The following GLYATL3 variants were observed in gnomAD, a reference collection of about 807,000 sequenced individuals.
The protein encoded by GLYATL3 is glycine N-acyltransferase-like protein 3.
GLYATL3 carries 31 observed loss-of-function variants against 28.5 expected under a neutral mutation model. That is an observed-to-expected ratio of 1.09 (90% CI 0.82 to 1.47). GLYATL3 has a LOEUF of 1.47. Among genes scored for constraint, GLYATL3 ranks in the 40% most tolerant of loss-of-function variants. GLYATL3 has a pLI of 0.00. For missense variants in GLYATL3, 369 were observed against 351.5 expected, an observed-to-expected ratio of 1.05 and a Z score of -0.40; for synonymous variants, 141 against 140.2, an observed-to-expected ratio of 1.01 and a Z score of -0.04.
At position 49,527,217 on chromosome 6, in the gene GLYATL3, C is replaced by T. The variant is rs1306854424; in HGVS notation, c.*303C>T. Among the ~76,000 whole-genome samples the T allele has an allele frequency of 6.6e-6, 1 of 152,154 alleles. No homozygotes were observed. The highest frequency in any genetic ancestry group is 1.5e-5 in the Non-Finnish European group (1 of 68,036). ...AGTTTTAGTGTACTAGGAGAAATTA[C>T]TGCATGAGAACAAATGATTTAACAG... On this transcript the variant is annotated 3_prime_UTR_variant, in exon 6 of 6. Coordinates refer to ENST00000371197, the MANE Select transcript of GLYATL3 (RefSeq NM_001010904.2).
intron 5 of GLYATL3, among the ~76,000 whole-genome samples, chr6:49,523,788 T>C (rs1360390021): frequency 1.3e-5 from 2 of 152,236 alleles, no homozygotes; most frequent in Non-Finnish European, 2.9e-5. Flanking sequence ...TTAATACATC[T>C]GAAGTTTCCT....
chr6:49,526,958 A>G lies in GLYATL3; in HGVS notation c.*44A>G. 9 of 1,373,336 alleles carry G rather than the reference A, an allele frequency of 6.6e-6. No homozygotes were observed. Among genetic ancestry groups the G allele is most frequent in the Non-Finnish European group, 8.7e-6 (9 of 1,031,378 alleles). The allele number at this position is 1,373,336 out of a possible 1,614,324, so 85.1% of individuals were successfully genotyped here. On this transcript the variant is annotated 3_prime_UTR_variant, in exon 6 of 6. Transcript: ENST00000371197. Reference sequence around the variant, plus strand: ...TGGTTTTATTACTTTCCCTGAGCATACACACACTCTTGGCTGCCAACGAGG... The same window carrying G: ...TGGTTTTATTACTTTCCCTGAGCATGCACACACTCTTGGCTGCCAACGAGG...
intron 2 of GLYATL3, among the ~76,000 whole-genome samples, chr6:49,512,547 G>A (rs1464762735): frequency 6.6e-6 from 1 of 152,002 alleles, no homozygotes; most frequent in Non-Finnish European, 1.5e-5. Context: ...ATAAATTTGA[G>A]TTCTAAAGTA....
rs939088642 is a variant in GLYATL3, at chr6:49,526,611, C to T, written c.564C>T (p.Phe188=). The T allele has an allele frequency of 1.3e-6, 2 of 1,552,044 alleles. No homozygotes were observed. Among genetic ancestry groups the T allele is most frequent in the South Asian group, 2.4e-5 (2 of 84,058 alleles). The change falls in exon 6 of 6, where the codon TTC becomes TTT. Residue 188 remains phenylalanine (F), a synonymous_variant. Coordinates refer to ENST00000371197, the MANE Select transcript of GLYATL3 (RefSeq NM_001010904.2). ...ACATCGCCAACCTCATCTCCTGCTT[C>T]CCTAGTGTGTGTGTCCGGGATGAGA... is the stretch of plus-strand genomic sequence containing the variant. The part of the protein sequence containing the change: ...LRYIANLISC[F]PSVCVRDEKG...
chr6:49,500,071 T>G (rs1162266425), intron 1 of GLYATL3, 29 bp downstream of exon 1: 2 of 152,172 alleles, frequency 1.3e-5, no homozygotes, highest in African/African-American at 4.8e-5. Context: ...ATATAATACA[T>G]TTCAAGTCAT....
At chr6:49,506,667 T>A (rs1175565328) in intron 1 of GLYATL3, among the ~76,000 whole-genome samples, 3 of 152,168 alleles carry the variant, frequency 2.0e-5, no homozygotes, top group Non-Finnish European at 4.4e-5. Flanking sequence ...TTCCTGACTT[T>A]TTTTTGTACA....
Position 49,526,718 on chromosome 6 carries a change from A to G in GLYATL3, c.671A>G (p.Lys224Arg). Residue 224 changes from lysine (K) to arginine (R), a missense_variant, in exon 6 of 6, where the codon AAA (lysine) becomes AGA (arginine). Physicochemically the swap from Lys to Arg is conservative, Grantham distance 26. Transcript: ENST00000371197. ...TACACCCTGCCAGAACATCGCAGGAAAGGTTACAGCCGGCTGGTGGCCCTC... is the reference window on the plus strand; with the variant it reads ...TACACCCTGCCAGAACATCGCAGGAGAGGTTACAGCCGGCTGGTGGCCCTC... Reference protein sequence around the residue: ...HGYTLPEHRRKGYSRLVALTL... With the variant: ...HGYTLPEHRRRGYSRLVALTL... 1 of 1,551,708 alleles carries G rather than the reference A, an allele frequency of 6.4e-7. No individual in the cohort carries two copies. The highest frequency in any genetic ancestry group is 8.7e-7 in the Non-Finnish European group (1 of 1,146,992).
At chr6:49,508,350 C>T (rs1433976850) in intron 1 of GLYATL3, among the ~76,000 whole-genome samples, 1 of 152,128 alleles carries the variant, frequency 6.6e-6, no homozygotes. Flanking sequence ...ACAGTCTTTC[C>T]ATAACCTATG....
intron 3 of GLYATL3, 30 bp from the exon 4 acceptor site, chr6:49,517,400 A>G: frequency 6.7e-7 from 1 of 1,498,148 alleles, no homozygotes; most frequent in Admixed American, 2.3e-5. Flanking sequence ...TAATACGTTT[A>G]TGTTTTTGTG....
Position 49,526,955 on chromosome 6 carries a change from C to T in GLYATL3, c.*41C>T. 2 of 1,375,954 alleles carry T rather than the reference C, an allele frequency of 1.5e-6. No individual in the cohort carries two copies. The highest frequency in any genetic ancestry group is 1.9e-6 in the Non-Finnish European group (2 of 1,033,102). The allele number at this position is 1,375,954 out of a possible 1,614,324, so 85.2% of individuals were successfully genotyped here. On this transcript the variant is annotated 3_prime_UTR_variant, in exon 6 of 6. Transcript: ENST00000371197. The stretch of plus-strand genomic sequence containing the variant: ...CAGTGGTTTTATTACTTTCCCTGAG[C>T]ATACACACACTCTTGGCTGCCAACG...
At chr6:49,513,224 T>C (rs1188297014) in intron 2 of GLYATL3, among the ~76,000 whole-genome samples, 2 of 152,230 alleles carry the variant, frequency 1.3e-5, no homozygotes, top group Non-Finnish European at 1.5e-5. Flanking sequence ...TTTTTGGCTA[T>C]GGATTTTGTA....
intron 5 of GLYATL3, 70 bp from the exon 6 acceptor site, chr6:49,526,418 A>C: frequency 7.3e-7 from 1 of 1,365,292 alleles, no homozygotes; most frequent in Non-Finnish European, 1.0e-6. Flanking sequence ...GTCTCGAAAA[A>C]AAAAATGTGT....
In GLYATL3 at chr6:49,499,979, A is replaced by G. The variant is rs1031759941; in HGVS notation, c.-92A>G. ...CTTGAAGAATAAACTTACCATTTAT[A>G]TAAAAGGGCTACTGGACTGATACAC... On this transcript the variant is annotated 5_prime_UTR_variant, in exon 1 of 6. In the 5' UTR this introduces an upstream ATG that the reference lacks. Transcript: ENST00000371197. The G allele has an allele frequency of 6.6e-6, 1 of 152,178 alleles. No homozygotes were observed. Among genetic ancestry groups the G allele is most frequent in the Admixed American group, 6.5e-5 (1 of 15,290 alleles). The allele number at this position is 152,178 out of a possible 1,614,324, so 9.4% of individuals were successfully genotyped here.
In GLYATL3 at chr6:49,527,199, G is replaced by A. The variant is rs555031517; in HGVS notation, c.*285G>A. On this transcript the variant is annotated 3_prime_UTR_variant, in exon 6 of 6. Coordinates refer to ENST00000371197, the MANE Select transcript of GLYATL3 (RefSeq NM_001010904.2). The stretch of plus-strand genomic sequence containing the variant: ...ATAGGTTCTAAAGCCAGCAGTTTTA[G>A]TGTACTAGGAGAAATTACTGCATGA... 2.6e-5 allele frequency among the ~76,000 whole-genome samples: 4 copies of A among 152,318 alleles called. No homozygotes were observed. Among genetic ancestry groups the A allele is most frequent in the African/African-American group, 9.6e-5 (4 of 41,570 alleles).
At chr6:49,503,940 C>T (rs1392106065) in intron 1 of GLYATL3, among the ~76,000 whole-genome samples, 1 of 152,136 alleles carries the variant, frequency 6.6e-6, no homozygotes, top group African/African-American at 2.4e-5. Context: ...GAAGGTTGGG[C>T]AGGACAACGA....
chr6:49,501,088 A>G (rs1184087114), intron 1 of GLYATL3, among the ~76,000 whole-genome samples: 1 of 152,128 alleles, frequency 6.6e-6, no homozygotes, highest in Non-Finnish European at 1.5e-5. Flanking sequence ...GAAGCCAATT[A>G]AGTAGAGGTT....
chr6:49,506,125 G>A (rs905284351), intron 1 of GLYATL3, among the ~76,000 whole-genome samples: 4 of 152,194 alleles, frequency 2.6e-5, no homozygotes, highest in Non-Finnish European at 4.4e-5. Context: ...TAAATTGTCA[G>A]TACAAAGTTG....
intron 1 of GLYATL3, among the ~76,000 whole-genome samples, chr6:49,504,401 C>T (rs1311212525): frequency 6.6e-6 from 1 of 152,024 alleles, no homozygotes; most frequent in East Asian, 1.9e-4. Context: ...GAAACACAAG[C>T]ATAGCCTCTA....
Position 49,526,764 on chromosome 6 carries a change from A to G in GLYATL3, c.717A>G (p.Gln239=). The part of the protein sequence containing the change: ...LVALTLARKL[Q]SRGFPSQGNV... ...CCCTCACGCTGGCCAGGAAGTTGCA[A>G]AGCCGGGGATTCCCCTCTCAGGGGA... The change falls in exon 6 of 6, where the codon CAA becomes CAG. Residue 239 remains glutamine (Q), a synonymous_variant. Transcript: ENST00000371197. The G allele has an allele frequency of 5.2e-6, 8 of 1,551,694 alleles. No homozygotes were observed. The highest frequency in any genetic ancestry group is 7.0e-6 in the Non-Finnish European group (8 of 1,146,990).
Sources: gnomAD v4.1 joint callset for allele counts (sites outside exome capture counted in the v4.1 genomes callset) on GRCh38, gnomAD v4.1.1 for gene constraint, MANE v1.5 for transcripts, NCBI Gene and HGNC (gene_info 2026-07-23, HGNC 2026-07-21) for gene names.